The following FHIT variants were observed in gnomAD, a reference collection of about 807,000 sequenced individuals.
FHIT encodes the protein bis(5'-adenosyl)-triphosphatase.
FHIT carries 19 observed loss-of-function variants against 17.9 expected under a neutral mutation model. That is an observed-to-expected ratio of 1.06 (90% CI 0.74 to 1.56). The LOEUF (loss-of-function observed/expected upper bound fraction) is 1.56, where lower values mean the gene tolerates loss of function less well. Among genes scored for constraint, FHIT ranks in the 40% most tolerant of loss-of-function variants. The probability of loss-of-function intolerance (pLI) is 0.00; values close to 1 mark genes in which losing one functional copy is unlikely to be tolerated. For synonymous variants in FHIT, 81 were observed against 69.7 expected (o/e 1.16, Z -0.81); for missense variants, 248 against 189.2 (o/e 1.31, Z -1.82).
intron 2 of FHIT, among the ~76,000 whole-genome samples, chr3:61,100,736 T>C (rs913908447): frequency 6.6e-6 from 1 of 152,228 alleles, no homozygotes; most frequent in Non-Finnish European, 1.5e-5. Context: ...TTCCTGACTT[T>C]TTAATAATTG....
At chr3:60,851,795 A>T (rs868945489) in intron 3 of FHIT, among the ~76,000 whole-genome samples, 1 of 152,150 alleles carries the variant, frequency 6.6e-6, no homozygotes, top group East Asian at 1.9e-4. Context: ...AGTTCAATTT[A>T]AAAAATCAAA....
chr3:60,711,733 T>C (rs1163018874), intron 4 of FHIT, among the ~76,000 whole-genome samples: 2 of 151,936 alleles, frequency 1.3e-5, no homozygotes, highest in African/African-American at 2.4e-5. Context: ...GAAAGAAGAA[T>C]AAAAAGAAAT....
chr3:59,795,760 TA>T (rs1164115053), intron 8 of FHIT, among the ~76,000 whole-genome samples: 5 of 152,036 alleles, frequency 3.3e-5, no homozygotes, highest in South Asian at 2.1e-4. Flanking sequence ...AAATAAAAAG[TA>T]AAAAATTCAG....
chr3:59,801,580 G>T (rs1699994637), intron 8 of FHIT, among the ~76,000 whole-genome samples: 1 of 152,108 alleles, frequency 6.6e-6, no homozygotes, highest in South Asian at 2.1e-4. Context: ...GTGCCACAGT[G>T]TGAGGAGAAT....
At chr3:61,145,940 TTTAAA>T (rs1450304026) in intron 2 of FHIT, among the ~76,000 whole-genome samples, 1 of 151,994 alleles carries the variant, frequency 6.6e-6, no homozygotes, top group Non-Finnish European at 1.5e-5. Context: ...AACTTAAACT[TTTAAA>T]TTATTTTGTC....
intron 5 of FHIT, among the ~76,000 whole-genome samples, chr3:60,290,162 G>GCACA (rs1707915813): frequency 6.6e-6 from 1 of 152,026 alleles, no homozygotes; most frequent in South Asian, 2.1e-4. Flanking sequence ...CGAGAAGTCA[G>GCACA]CACATACCCT....
chr3:60,240,522 A>G (rs1705070865), intron 5 of FHIT, among the ~76,000 whole-genome samples: 2 of 152,234 alleles, frequency 1.3e-5, no homozygotes, highest in South Asian at 2.1e-4. Flanking sequence ...GAGCTCACAC[A>G]TAACGAGAAA....
chr3:61,115,552 G>C (rs2036277014), intron 2 of FHIT, among the ~76,000 whole-genome samples: 1 of 152,190 alleles, frequency 6.6e-6, no homozygotes, highest in Non-Finnish European at 1.5e-5. Flanking sequence ...AGATAAAATA[G>C]AAATAAGCTG....
intron 2 of FHIT, among the ~76,000 whole-genome samples, chr3:61,145,010 G>A (rs1296205004): frequency 6.6e-6 from 1 of 152,064 alleles, no homozygotes; most frequent in Non-Finnish European, 1.5e-5. Context: ...TTTTGTGATG[G>A]TGTCATTTGA....
chr3:59,749,618 T>TAACA lies in FHIT; in HGVS notation c.*6-43_*6-40dup, dbSNP rs1700774598. ...TAAACAAACAAAGGCCTTATGATTC[T>TAACA]AACATCAGAAATCTTCTCTGTAGGA... On this transcript the variant is annotated intron_variant, in intron 9 of 9. Transcript: ENST00000492590. 8 of 231,126 alleles carry TAACA rather than the reference T, an allele frequency of 3.5e-5. No homozygotes were observed. In the East Asian group the frequency reaches 4.3e-4, roughly 12 times the overall value. 14.3% of individuals were successfully genotyped at this position (231,126 alleles called of 1,614,324 possible). A position where few individuals can be genotyped will look rare whatever the true frequency, so the allele number is the denominator to read the frequency against.
Position 60,492,670 on chromosome 3 carries a change from C to T in FHIT, c.103+44190G>A, listed in dbSNP as rs568894831. ...TACAGGCGCCCACCATCATGCCTGG[C>T]TAATTTTTGTATTTTTAGTAGAGAC... On this transcript the variant is annotated intron_variant, in intron 5 of 9. Transcript: ENST00000492590. Among the ~76,000 whole-genome samples the T allele has an allele frequency of 5.9e-5, 9 of 151,994 alleles. No homozygotes were observed. In the South Asian group the frequency reaches 1.7e-3, roughly 28 times the overall value.
chr3:60,922,346 T>C (rs1553768622), intron 3 of FHIT, among the ~76,000 whole-genome samples: 4 of 152,156 alleles, frequency 2.6e-5, no homozygotes. Context: ...TCTCTGGCTT[T>C]TACCATGAAA....
chr3:60,562,799 C>T (rs1214593105), intron 4 of FHIT, among the ~76,000 whole-genome samples: 2 of 152,154 alleles, frequency 1.3e-5, no homozygotes, highest in East Asian at 3.9e-4. Flanking sequence ...GACCTAAAGT[C>T]ATGTCCACCA....
intron 7 of FHIT, among the ~76,000 whole-genome samples, chr3:59,938,141 C>T (rs1706334104): frequency 6.6e-6 from 1 of 152,056 alleles, no homozygotes; most frequent in African/African-American, 2.4e-5. Flanking sequence ...TGAAGATATA[C>T]AAACAATGTA....
chr3:60,033,954 A>T (rs1022218328), intron 5 of FHIT, among the ~76,000 whole-genome samples: 1 of 152,234 alleles, frequency 6.6e-6, no homozygotes, highest in Non-Finnish European at 1.5e-5. Context: ...TCATCTAAGA[A>T]CAGGCTCTGG....
At chr3:60,946,100 T>C (rs986109086) in intron 3 of FHIT, among the ~76,000 whole-genome samples, 12 of 152,064 alleles carry the variant, frequency 7.9e-5, no homozygotes, top group Non-Finnish European at 1.6e-4. Flanking sequence ...GCATCTGAGC[T>C]GAGCAAGGAG....
chr3:60,477,916 G>T (rs551209701), intron 5 of FHIT, among the ~76,000 whole-genome samples: 1 of 152,220 alleles, frequency 6.6e-6, no homozygotes, highest in East Asian at 1.9e-4. Context: ...AATTATCTTG[G>T]TCTAGTTTGA....
intron 5 of FHIT, among the ~76,000 whole-genome samples, chr3:60,197,395 C>A (rs1049871430): frequency 3.9e-5 from 6 of 152,084 alleles, no homozygotes; most frequent in Non-Finnish European, 7.4e-5. Flanking sequence ...AAATTAATTT[C>A]TCCTGCTTCT....
chr3:60,613,668 C>CT (rs1247609570), intron 4 of FHIT, among the ~76,000 whole-genome samples: 6 of 151,896 alleles, frequency 4.0e-5, no homozygotes, highest in Non-Finnish European at 7.4e-5. Context: ...CCATTTCTTT[C>CT]TTTTTCAGTC....
Sources: allele counts gnomAD v4.1 joint callset (sites outside exome capture counted in the v4.1 genomes callset), GRCh38; gene constraint gnomAD v4.1.1; transcripts MANE v1.5; gene names NCBI Gene and HGNC (gene_info 2026-07-23, HGNC 2026-07-21).